Variants in IL1RL2 observed in about 807,000 individuals in gnomAD.
The protein encoded by IL1RL2 is interleukin 1 receptor like 2.
Under a neutral mutation model 66.8 loss-of-function variants are expected in IL1RL2, and 68 were observed. The observed-to-expected ratio is 1.02, with a 90% CI of 0.84 to 1.25. The LOEUF is 1.25. Ranked by LOEUF, IL1RL2 falls within the 50% of genes most tolerant of loss-of-function variation. The probability of loss-of-function intolerance (pLI) is 0.00; values close to 1 mark genes in which losing one functional copy is unlikely to be tolerated. For synonymous variants in IL1RL2, 305 were observed against 264.6 expected, an observed-to-expected ratio of 1.15 and a Z score of -1.48; for missense variants, 729 against 709.3, an observed-to-expected ratio of 1.03 and a Z score of -0.32.
In IL1RL2 at chr2:102,239,238, C is replaced by T. The variant is rs1006490946; in HGVS notation, c.1725C>T (p.Gly575=). The T allele has an allele frequency of 1.2e-6, 2 of 1,613,882 alleles. No homozygotes were observed. The highest frequency in any genetic ancestry group is 2.7e-5 in the African/African-American group (2 of 75,038). Residue 575 remains glycine, a synonymous_variant, in exon 12 of 12, where the codon GGC becomes GGT. Coordinates refer to ENST00000264257, the MANE Select transcript of IL1RL2 (RefSeq NM_003854.4). The stretch of plus-strand genomic sequence containing the variant: ...GAAAGAAGTGTACTCTCACGACTGG[C>T]TAAGACTTGCTGGACTGACACCTAT... ...SRRKKCTLTT[G] is the part of the protein sequence containing the mutation.
chr2:102,207,034 G>A (rs887961224), intron 5 of IL1RL2, among the ~76,000 whole-genome samples: 5 of 152,124 alleles, frequency 3.3e-5, no homozygotes, highest in South Asian at 2.1e-4. Context: ...TGCCACAGCC[G>A]GCCACAAGGA....
At chr2:102,232,395 G>A (rs558577721) in intron 9 of IL1RL2, among the ~76,000 whole-genome samples, 21 of 152,140 alleles carry the variant, frequency 1.4e-4, no homozygotes, top group South Asian at 8.3e-4. Flanking sequence ...TTACAGGCAT[G>A]AGCCACATGC....
intron 6 of IL1RL2, among the ~76,000 whole-genome samples, chr2:102,213,173 G>A (rs972198219): frequency 1.3e-5 from 2 of 152,176 alleles, no homozygotes; most frequent in Non-Finnish European, 2.9e-5. Flanking sequence ...GTTGTAGGGG[G>A]AGATTTTAAC....
At chr2:102,202,117 C>T (rs893932361) in intron 5 of IL1RL2, among the ~76,000 whole-genome samples, 7 of 152,062 alleles carry the variant, frequency 4.6e-5, no homozygotes, top group Admixed American at 6.6e-5. Flanking sequence ...CCTCCCCTGC[C>T]TCAAGTGCCG....
intron 9 of IL1RL2, among the ~76,000 whole-genome samples, chr2:102,226,461 T>G (rs1486186659): frequency 6.6e-6 from 1 of 152,220 alleles, no homozygotes; most frequent in Non-Finnish European, 1.5e-5. Context: ...CGGTTGGAGC[T>G]CTCTCTAGGC....
chr2:102,216,486 G>A (rs1157543824), intron 6 of IL1RL2, among the ~76,000 whole-genome samples: 1 of 151,966 alleles, frequency 6.6e-6, no homozygotes, highest in Non-Finnish European at 1.5e-5. Context: ...TCTCTTTTAG[G>A]CAGCATATAG....
intron 11 of IL1RL2, among the ~76,000 whole-genome samples, chr2:102,237,466 G>A (rs780349933): frequency 6.6e-6 from 1 of 152,192 alleles, no homozygotes; most frequent in Non-Finnish European, 1.5e-5. Context: ...AGCACTGCAG[G>A]CAGCCTTCAG....
At chr2:102,221,436 G>A (rs954899843) in intron 8 of IL1RL2, among the ~76,000 whole-genome samples, 1 of 152,162 alleles carries the variant, frequency 6.6e-6, no homozygotes, top group Admixed American at 6.5e-5. Context: ...TACACTGGCT[G>A]ATGTCAGAAA....
Position 102,194,727 on chromosome 2 carries a change from A to T in IL1RL2, c.489+2607A>T, listed in dbSNP as rs1029083884. Among the ~76,000 whole-genome samples, 10 of 146,338 alleles carry T rather than the reference A, an allele frequency of 6.8e-5. 1 individual carries two copies. The Middle Eastern group carries it at 0.01, about 154-fold the overall frequency. On this transcript the variant is annotated intron_variant, in intron 4 of 11. Coordinates refer to ENST00000264257, the MANE Select transcript of IL1RL2 (RefSeq NM_003854.4). ...TTGGATGTCTGTGTGTGTGTGTGTAATTTTTTTCTTTGAGTGCTTGCTTGT... is the reference window on the plus strand; with the variant it reads ...TTGGATGTCTGTGTGTGTGTGTGTATTTTTTTTCTTTGAGTGCTTGCTTGT...
At chr2:102,238,530 T>C (rs1450604349) in intron 11 of IL1RL2, among the ~76,000 whole-genome samples, 3 of 152,242 alleles carry the variant, frequency 2.0e-5, no homozygotes, top group African/African-American at 7.2e-5. Context: ...CGCAGACCAC[T>C]TCCTGCCACG....
At chr2:102,197,676 T>C (rs1687903645) in intron 4 of IL1RL2, among the ~76,000 whole-genome samples, 1 of 152,234 alleles carries the variant, frequency 6.6e-6, no homozygotes, top group African/African-American at 2.4e-5. Flanking sequence ...AGGATCTTCC[T>C]GCTCTTTCTG....
Position 102,187,046 on chromosome 2 carries a change from C to A in IL1RL2, c.-53C>A. The A allele has an allele frequency of 7.8e-7, 1 of 1,289,878 alleles. No homozygotes were observed. The highest frequency in any genetic ancestry group is 1.0e-6 in the Non-Finnish European group (1 of 988,854). 79.9% of individuals were successfully genotyped at this position (1,289,878 alleles called of 1,614,324 possible). On this transcript the variant is annotated 5_prime_UTR_variant, in exon 1 of 12. Transcript: ENST00000264257. ...GGGCTCGTGTCCCTGTCATATTTTCCACTCTCCACGAGGTCCTGCGCGCTT... is the reference window on the plus strand; with the variant it reads ...GGGCTCGTGTCCCTGTCATATTTTCAACTCTCCACGAGGTCCTGCGCGCTT...
At chr2:102,187,753 C>A (rs768133479) in intron 1 of IL1RL2, 103 bp from the exon 2 acceptor site, 14 of 965,004 alleles carry the variant, frequency 1.5e-5, no homozygotes, top group Non-Finnish European at 2.2e-5. Context: ...GGAAGGTCAG[C>A]GGCCTGGGCG....
intron 8 of IL1RL2, among the ~76,000 whole-genome samples, chr2:102,221,536 A>C (rs1467368373): frequency 7.2e-5 from 11 of 152,140 alleles, no homozygotes; most frequent in Admixed American, 7.2e-4. Flanking sequence ...CAGGCTCAAA[A>C]TCTGGGGTCA....
At chr2:102,200,283 G>C (rs35648846) in intron 4 of IL1RL2, among the ~76,000 whole-genome samples, 1 of 152,042 alleles carries the variant, frequency 6.6e-6, no homozygotes, top group African/African-American at 2.4e-5. Context: ...GGTATTTATA[G>C]GGAAATAATG....
rs1417607255 is a variant in IL1RL2, at chr2:102,239,777, G to A, written c.*536G>A. On this transcript the variant is annotated 3_prime_UTR_variant, in exon 12 of 12. Coordinates refer to ENST00000264257, the MANE Select transcript of IL1RL2 (RefSeq NM_003854.4). ...ACCATGTCATGGTGGGTGAGATCTTGGGGGATCACCTGTCATGGTGGGTGA... is the reference window on the plus strand; with the variant it reads ...ACCATGTCATGGTGGGTGAGATCTTAGGGGATCACCTGTCATGGTGGGTGA... 1 of 162,434 alleles carries A rather than the reference G, an allele frequency of 6.2e-6. No individual in the cohort carries two copies. Among genetic ancestry groups the A allele is most frequent in the Non-Finnish European group, 1.4e-5 (1 of 73,240 alleles). 10.1% of individuals were successfully genotyped at this position (162,434 alleles called of 1,614,324 possible).
chr2:102,200,028 GTACC>G (rs1250369541), intron 4 of IL1RL2, among the ~76,000 whole-genome samples: 1 of 149,566 alleles, frequency 6.7e-6, no homozygotes, highest in African/African-American at 2.5e-5. Context: ...GTGGTGGCAC[GTACC>G]TGTAGTCCCA....
At chr2:102,235,764 A>G (rs1335661298) in intron 11 of IL1RL2, 3 of 985,278 alleles carry the variant, frequency 3.0e-6, no homozygotes, top group Non-Finnish European at 3.6e-6. Flanking sequence ...CCCCATGCTC[A>G]GGGGTCATTT....
intron 8 of IL1RL2, among the ~76,000 whole-genome samples, chr2:102,225,363 G>A (rs1451469250): frequency 6.6e-6 from 1 of 152,266 alleles, no homozygotes; most frequent in Non-Finnish European, 1.5e-5. Flanking sequence ...CTCTTGGCCT[G>A]TCTTGTGGAG....
Sources: gnomAD v4.1 joint callset for allele counts (sites outside exome capture counted in the v4.1 genomes callset) on GRCh38, gnomAD v4.1.1 for gene constraint, MANE v1.5 for transcripts, NCBI Gene and HGNC (gene_info 2026-07-23, HGNC 2026-07-21) for gene names.